Variants in RNF130 observed in about 807,000 individuals in gnomAD.
The protein encoded by RNF130 is ring finger protein 130, also known as E3 ubiquitin-protein ligase RNF130.
Under a neutral mutation model 44.6 loss-of-function variants are expected in RNF130, and 21 were observed. The ratio of observed to expected loss-of-function variants is 0.47; its 90% CI spans 0.33 to 0.68. The LOEUF (loss-of-function observed/expected upper bound fraction) is 0.68. RNF130 is among the 30% of genes least tolerant of loss of function. The pLI, the probability that RNF130 is intolerant of heterozygous loss-of-function variation, is 0.02. For synonymous variants in RNF130, 214 were observed against 210.4 expected, an observed-to-expected ratio of 1.02 and a Z score of -0.15; for missense variants, 479 against 560.6, an observed-to-expected ratio of 0.85 and a Z score of 1.47.
At position 180,015,049 on chromosome 5, in the gene RNF130, C is replaced by T. The variant is rs145934409; in HGVS notation, c.443-1738G>A. Among the ~76,000 whole-genome samples, 1,057 of 152,218 alleles carry T rather than the reference C, an allele frequency of 6.9e-3. 4 individuals are homozygous for T. Among genetic ancestry groups the T allele is most frequent in the Non-Finnish European group, 0.01 (692 of 68,008 alleles). ...AAAATGTAACCCAATGGAACATATA[C>T]CTTTTTACTACCTTACTCAAAATTG... On this transcript the variant is annotated intron_variant, in intron 2 of 8. Transcript: ENST00000521389.
At chr5:180,024,111 C>T (rs868791680) in intron 2 of RNF130, among the ~76,000 whole-genome samples, 5 of 152,292 alleles carry the variant, frequency 3.3e-5, no homozygotes, top group Non-Finnish European at 2.9e-5. Context: ...CTACAACATG[C>T]TGGGCCAGCA....
In RNF130 at chr5:179,977,666, A is replaced by G. The variant is rs562569906; in HGVS notation, c.848+537T>C. Reference sequence around the variant, plus strand: ...TCAGGAGTTCAAGACCAACTGGCCAACATGATGAAACCCCGTCTCTACTAA... The same window carrying G: ...TCAGGAGTTCAAGACCAACTGGCCAGCATGATGAAACCCCGTCTCTACTAA... On this transcript the variant is annotated intron_variant, in intron 5 of 8. Coordinates refer to ENST00000521389, the MANE Select transcript of RNF130 (RefSeq NM_018434.6). The surrounding 1 kb of genome is among the most constrained non-coding windows in gnomAD (Gnocchi z 4.1). Among the ~76,000 whole-genome samples the G allele has an allele frequency of 2.6e-5, 4 of 152,286 alleles. No individual in the cohort carries two copies. The East Asian group carries it at 7.7e-4, about 29-fold the overall frequency.
chr5:179,920,790 TA>T (rs1368598691), intron 7 of RNF130, among the ~76,000 whole-genome samples: 3 of 135,420 alleles, frequency 2.2e-5, no homozygotes, highest in African/African-American at 3.5e-5. Context: ...TATATATATA[TA>T]TATATTTTTT....
chr5:180,039,031 G>A (rs1764342495), intron 2 of RNF130, among the ~76,000 whole-genome samples: 1 of 152,072 alleles, frequency 6.6e-6, no homozygotes, highest in South Asian at 2.1e-4. Flanking sequence ...CGAGTCCTGT[G>A]TTTCCACATA....
chr5:179,963,562 C>T lies in RNF130; in HGVS notation c.1153G>A (p.Glu385Lys). ...CCAAAACTGGCAATAATAAACCATT[C>T]TTCTGTTGACAAAGGAAAGGGAGGA... ...TGEINIAVTK[E>K]WFIIASFGLL... Residue 385 changes from glutamate to lysine, a missense_variant and splice_region_variant, in exon 8 of 9, where the codon GAA (glutamate) becomes AAA (lysine). Glu to Lys is a moderately conservative substitution (Grantham distance 56). Transcript: ENST00000521389. 6.2e-7 allele frequency: 1 copy of T among 1,608,686 alleles called. No homozygotes were observed. The highest frequency in any genetic ancestry group is 2.2e-5 in the East Asian group (1 of 44,814).
At chr5:180,032,192 G>A (rs1764145361) in intron 2 of RNF130, among the ~76,000 whole-genome samples, 4 of 152,202 alleles carry the variant, frequency 2.6e-5, no homozygotes, top group Admixed American at 6.5e-5. Flanking sequence ...AATGACAAAG[G>A]TTTTTAATTT....
intron 8 of RNF130, among the ~76,000 whole-genome samples, chr5:179,957,170 G>C (rs1282033716): frequency 6.6e-6 from 1 of 152,182 alleles, no homozygotes; most frequent in Non-Finnish European, 1.5e-5. Context: ...CCAGCACTTT[G>C]GGAGGCTGAG....
Position 179,998,857 on chromosome 5 carries a change from TTTTA to T in RNF130, c.693+14200_693+14203del, listed in dbSNP as rs1346724192. On this transcript the variant is annotated intron_variant, in intron 3 of 8. Transcript: ENST00000521389. ...TATCTCTCTCTTTAGATCTAGTATT[TTTTA>T]TATATATATATATATATATATATGT... 1.0e-3 allele frequency among the ~76,000 whole-genome samples: 65 copies of T among 65,236 alleles called. 4 individuals carry two copies. The highest frequency in any genetic ancestry group is 1.2e-3 in the Non-Finnish European group (38 of 32,892). 42.8% of individuals were successfully genotyped at this position (65,236 alleles called of 152,430 possible). A position where few individuals can be genotyped will look rare whatever the true frequency, so the allele number is the denominator to read the frequency against.
chr5:179,947,805 T>C (rs552316046), intron 7 of RNF130, among the ~76,000 whole-genome samples: 45 of 152,324 alleles, frequency 3.0e-4, no homozygotes, highest in African/African-American at 1.0e-3. Flanking sequence ...ATAGCATATA[T>C]ATACTGCATA....
intron 3 of RNF130, among the ~76,000 whole-genome samples, chr5:179,984,055 A>AT (rs1226178973): frequency 1.3e-5 from 2 of 152,144 alleles, no homozygotes; most frequent in Non-Finnish European, 2.9e-5. Flanking sequence ...ATGAAAATGC[A>AT]TTTTTTAAAA....
At chr5:180,014,434 C>T (rs1344459020) in intron 2 of RNF130, among the ~76,000 whole-genome samples, 2 of 152,102 alleles carry the variant, frequency 1.3e-5, no homozygotes, top group Admixed American at 1.3e-4. Context: ...GACTAGGGGT[C>T]ATTAGAAGGG....
intron 5 of RNF130, among the ~76,000 whole-genome samples, chr5:179,976,482 G>C (rs1251143557): frequency 6.6e-6 from 1 of 152,208 alleles, no homozygotes; most frequent in Non-Finnish European, 1.5e-5. Flanking sequence ...CCCTTCTCCT[G>C]ATTTGCACTG....
At chr5:179,981,174 G>GT (rs34891287) in intron 3 of RNF130, among the ~76,000 whole-genome samples, 31,992 of 152,028 alleles carry the variant, frequency 0.21, 3,602 homozygotes, top group Middle Eastern at 0.26. Context: ...TAAAGAACAG[G>GT]TATGTGAAGA....
At chr5:180,040,781 TAC>T (rs1215923111) in intron 1 of RNF130, 134 bp from the exon 2 acceptor site, 16 of 710,120 alleles carry the variant, frequency 2.3e-5, no homozygotes, top group Non-Finnish European at 3.4e-5. Flanking sequence ...GAGCTATGAA[TAC>T]ATCCACAAAC....
chr5:180,043,134 T>C (rs895904309), intron 1 of RNF130, among the ~76,000 whole-genome samples: 3 of 151,974 alleles, frequency 2.0e-5, no homozygotes, highest in African/African-American at 7.3e-5. Context: ...CCTGGGCACA[T>C]AGTAAGACCC....
chr5:179,959,463 TA>T (rs1311041128), intron 8 of RNF130, among the ~76,000 whole-genome samples: 10 of 151,944 alleles, frequency 6.6e-5, no homozygotes, highest in Non-Finnish European at 1.5e-4. Flanking sequence ...CCATCTCTAC[TA>T]AAAATACAAA....
chr5:179,973,818 C>T (rs765756596), intron 5 of RNF130, among the ~76,000 whole-genome samples: 23 of 152,220 alleles, frequency 1.5e-4, no homozygotes, highest in Admixed American at 5.2e-4. Context: ...TGCATCGGGA[C>T]GGAAAGCAGG....
chr5:180,013,053 G>A lies in RNF130; in HGVS notation c.693+8C>T. On this transcript the variant is annotated splice_region_variant and intron_variant, in intron 3 of 8. Transcript: ENST00000521389. Reference sequence around the variant, plus strand: ...TACGAACCAATCACTGTTGAGTACTGAGCTCACCTGGTTCCTGTCGCGTGC... The same window carrying A: ...TACGAACCAATCACTGTTGAGTACTAAGCTCACCTGGTTCCTGTCGCGTGC... 2 of 1,610,922 alleles carry A rather than the reference G, an allele frequency of 1.2e-6. No individual in the cohort carries two copies. Among genetic ancestry groups the A allele is most frequent in the Middle Eastern group, 1.7e-4 (1 of 6,060 alleles).
At chr5:179,936,785 G>A (rs971936793) in intron 7 of RNF130, among the ~76,000 whole-genome samples, 1 of 152,092 alleles carries the variant, frequency 6.6e-6, no homozygotes, top group African/African-American at 2.4e-5. Context: ...ACAGATTAAT[G>A]GAATAAAATT....
Sources: allele counts gnomAD v4.1 joint callset (sites outside exome capture counted in the v4.1 genomes callset), GRCh38; gene constraint gnomAD v4.1.1; non-coding constraint Gnocchi (gnomAD v3.1); transcripts MANE v1.5; gene names NCBI Gene and HGNC (gene_info 2026-07-23, HGNC 2026-07-21).